LRIG1: variants seen among roughly 807,000 people sequenced by gnomAD.
LRIG1 encodes the protein leucine-rich repeats and immunoglobulin-like domains protein 1.
LRIG1 carries 48 observed loss-of-function variants against 99.2 expected under a neutral mutation model. That is an observed-to-expected ratio of 0.48 (90% confidence interval 0.38 to 0.62). LRIG1 has a LOEUF of 0.62. Ranked by LOEUF, LRIG1 falls within the 20% of genes least tolerant of loss-of-function variation. The pLI is 0.00. For synonymous variants in LRIG1, 772 were observed against 596.1 expected (o/e 1.29, Z -4.30); for missense variants, 1,646 against 1,434.4 (o/e 1.15, Z -2.38).
chr3:66,399,459 G>A (rs1701976916), intron 9 of LRIG1, among the ~76,000 whole-genome samples: 1 of 152,084 alleles, frequency 6.6e-6, no homozygotes, highest in African/African-American at 2.4e-5. Flanking sequence ...AAAAAGGAAA[G>A]AAAAATCTTC....
intron 1 of LRIG1, among the ~76,000 whole-genome samples, chr3:66,488,050 G>A (rs1235903793): frequency 6.6e-6 from 1 of 151,832 alleles, no homozygotes; most frequent in African/African-American, 2.4e-5. Flanking sequence ...TTCGTTTTAT[G>A]AAAATTTACA....
chr3:66,394,275 G>T (rs780248289), intron 11 of LRIG1, 72 bp from the exon 12 acceptor site: 35 of 1,295,678 alleles, frequency 2.7e-5, no homozygotes, highest in Non-Finnish European at 3.3e-5. Context: ...CACACACAAT[G>T]ATCAGTCGCC....
intron 1 of LRIG1, among the ~76,000 whole-genome samples, chr3:66,469,925 A>AG (rs1476148633): frequency 2.6e-5 from 4 of 151,616 alleles, no homozygotes; most frequent in Non-Finnish European, 5.9e-5. Flanking sequence ...AAAAAAAAAA[A>AG]AGAATACTGA....
chr3:66,466,357 T>C (rs1700473374), intron 1 of LRIG1, among the ~76,000 whole-genome samples: 1 of 152,208 alleles, frequency 6.6e-6, no homozygotes, highest in Admixed American at 6.5e-5. Flanking sequence ...TTCATTTCTT[T>C]TTAAGGCTAA....
At chr3:66,423,430 G>C (rs1702881848) in intron 3 of LRIG1, among the ~76,000 whole-genome samples, 1 of 152,118 alleles carries the variant, frequency 6.6e-6, no homozygotes, top group Non-Finnish European at 1.5e-5. Flanking sequence ...AATTAGCCGG[G>C]CATGGTGGCG....
chr3:66,446,672 C>G (rs1463790397), intron 3 of LRIG1, among the ~76,000 whole-genome samples: 1 of 152,090 alleles, frequency 6.6e-6, no homozygotes, highest in Non-Finnish European at 1.5e-5. Flanking sequence ...TCCCAAACTG[C>G]TGGGATTACA....
intron 7 of LRIG1, among the ~76,000 whole-genome samples, chr3:66,408,964 T>TGTGTGTGTGTGTGTGGGGGGGGGGG (rs1575668634): frequency 5.8e-5 from 1 of 17,312 alleles, no homozygotes; most frequent in African/African-American, 2.7e-4. Context: ...GTGTGTGTGG[T>TGTGTGTGTGTGTGTGGGGGGGGGGG]GGGGGGAGGG....
At chr3:66,499,334 C>A (rs144179413) in intron 1 of LRIG1, among the ~76,000 whole-genome samples, 161 of 152,322 alleles carry the variant, frequency 1.1e-3, no homozygotes, top group African/African-American at 3.6e-3. Context: ...CTTAAATCAG[C>A]CAAGCCCCTG....
At chr3:66,408,063 A>G (rs1452676037) in intron 7 of LRIG1, among the ~76,000 whole-genome samples, 1 of 152,116 alleles carries the variant, frequency 6.6e-6, no homozygotes, top group Non-Finnish European at 1.5e-5. Flanking sequence ...TGGACCTCAG[A>G]GCATGATCCC....
At chr3:66,449,294 A>T (rs1703823941) in intron 3 of LRIG1, among the ~76,000 whole-genome samples, 1 of 152,196 alleles carries the variant, frequency 6.6e-6, no homozygotes, top group African/African-American at 2.4e-5. Flanking sequence ...CACCTCAGAG[A>T]AAACCAAGAT....
chr3:66,468,148 T>C (rs947771632), intron 1 of LRIG1, among the ~76,000 whole-genome samples: 1 of 152,216 alleles, frequency 6.6e-6, no homozygotes, highest in Non-Finnish European at 1.5e-5. Flanking sequence ...ACTTGGCAAA[T>C]GTTATTCAAA....
rs149870954 is a variant in LRIG1, at chr3:66,486,002, C to T, written c.218+14188G>A. On this transcript the variant is annotated intron_variant, in intron 1 of 18. Coordinates refer to ENST00000273261, the MANE Select transcript of LRIG1 (RefSeq NM_015541.3). ...CCGTATTTTCTTCTAAACATGTACA[C>T]GCAGGTCTGAATTCTAACTGGCAAG... Among the ~76,000 whole-genome samples the T allele has an allele frequency of 1.3e-3, 200 of 152,270 alleles. 3 individuals carry two copies. The East Asian group carries it at 0.03, about 23-fold the overall frequency.
intron 1 of LRIG1, among the ~76,000 whole-genome samples, chr3:66,479,305 C>T (rs568635906): frequency 6.6e-6 from 1 of 152,310 alleles, no homozygotes; most frequent in South Asian, 2.1e-4. Flanking sequence ...GCAAATTCTC[C>T]CATTCTCCTA....
intron 6 of LRIG1, among the ~76,000 whole-genome samples, chr3:66,412,251 A>G (rs919711229): frequency 6.6e-5 from 10 of 152,230 alleles, no homozygotes; most frequent in African/African-American, 1.9e-4. Context: ...TTTTTGGCCC[A>G]CCTGCACCTC....
intron 12 of LRIG1, among the ~76,000 whole-genome samples, chr3:66,389,071 TACG>T (rs1392485673): frequency 6.6e-6 from 1 of 152,202 alleles, no homozygotes; most frequent in Non-Finnish European, 1.5e-5. Context: ...ATGTAATGTG[TACG>T]ACAACAGTAA....
At chr3:66,443,566 T>G (rs894704486) in intron 3 of LRIG1, among the ~76,000 whole-genome samples, 1 of 152,186 alleles carries the variant, frequency 6.6e-6, no homozygotes, top group Non-Finnish European at 1.5e-5. Context: ...TCACTTCATC[T>G]GGGAAACTTC....
rs1575636925 is a variant in LRIG1 at position 66,379,728 on chromosome 3, A to G, written c.*535T>C. ...GGGCATCCACACATGAGCAGTGCTC[A>G]CCTGAAGCTCCTTCCGGCGCATGTG... is the stretch of plus-strand genomic sequence containing the variant. On this transcript the variant is annotated 3_prime_UTR_variant, in exon 19 of 19. Transcript: ENST00000273261. 1 of 153,122 alleles carries G rather than the reference A, an allele frequency of 6.5e-6. No individual in the cohort carries two copies. The allele number at this position is 153,122 out of a possible 1,614,324, so 9.5% of individuals were successfully genotyped here. A position where few individuals can be genotyped will look rare whatever the true frequency, so the allele number is the denominator to read the frequency against.
chr3:66,460,712 G>A (rs1487427341), intron 2 of LRIG1, among the ~76,000 whole-genome samples: 1 of 152,184 alleles, frequency 6.6e-6, no homozygotes, highest in Non-Finnish European at 1.5e-5. Flanking sequence ...TGTGCTATTT[G>A]TTTGTTATGG....
intron 1 of LRIG1, among the ~76,000 whole-genome samples, chr3:66,466,003 C>T (rs947929455): frequency 6.6e-6 from 1 of 152,140 alleles, no homozygotes; most frequent in Non-Finnish European, 1.5e-5. Context: ...ATAATGTCTT[C>T]AAGATTCATC....
Sources: gnomAD v4.1 joint callset for allele counts (sites outside exome capture counted in the v4.1 genomes callset) on GRCh38, gnomAD v4.1.1 for gene constraint, MANE v1.5 for transcripts, NCBI Gene and HGNC (gene_info 2026-07-23, HGNC 2026-07-21) for gene names.